The following TENM4 variants were observed in gnomAD, a reference collection of about 807,000 sequenced individuals.
TENM4 encodes teneurin-4.
A neutral mutation model predicts 243.3 loss-of-function variants in TENM4; 82 were observed. That is an observed-to-expected ratio of 0.34 (90% CI 0.28 to 0.40). TENM4 has a LOEUF of 0.40. Among genes scored for constraint, TENM4 ranks in the 10% least tolerant of loss-of-function variants. The pLI, the probability that TENM4 is intolerant of heterozygous loss-of-function variation, is 1.00. For synonymous variants in TENM4, 1,412 were observed against 1,456.3 expected, an observed-to-expected ratio of 0.97 and a Z score of 0.69; for missense variants, 3,138 against 3,673.3, an observed-to-expected ratio of 0.85 and a Z score of 3.77.
intron 20 of TENM4, 35 bp from the exon 21 acceptor site, chr11:78,732,612 A>G: frequency 6.5e-7 from 1 of 1,549,530 alleles, no homozygotes; most frequent in Non-Finnish European, 8.7e-7. Context: ...AGGGGCGGGG[A>G]GCAGGAAGAG....
chr11:79,160,202 A>T (rs541272263), intron 3 of TENM4, among the ~76,000 whole-genome samples: 52 of 152,200 alleles, frequency 3.4e-4, no homozygotes, highest in African/African-American at 1.2e-3. Context: ...ACTCTCTTCC[A>T]TTTTAACATC....
intron 1 of TENM4, among the ~76,000 whole-genome samples, chr11:79,355,481 C>T (rs1324861322): frequency 7.2e-5 from 11 of 152,092 alleles, no homozygotes; most frequent in African/African-American, 1.4e-4. Context: ...TGCAGTGAAC[C>T]GAGATCACGC....
intron 6 of TENM4, among the ~76,000 whole-genome samples, chr11:78,909,624 G>C (rs1344653611): frequency 6.6e-6 from 1 of 152,080 alleles, no homozygotes; most frequent in Non-Finnish European, 1.5e-5. Flanking sequence ...CACAGCCCCA[G>C]GGAGCACCAC....
intron 6 of TENM4, among the ~76,000 whole-genome samples, chr11:79,048,509 C>A (rs1442375171): frequency 6.6e-6 from 1 of 152,146 alleles, no homozygotes; most frequent in Non-Finnish European, 1.5e-5. Flanking sequence ...GCCAATCCTG[C>A]ACATCCTTTC....
chr11:79,182,423 C>T (rs1863301649), intron 3 of TENM4, among the ~76,000 whole-genome samples: 1 of 152,032 alleles, frequency 6.6e-6, no homozygotes, highest in Admixed American at 6.6e-5. Context: ...GACCTCATTC[C>T]CTTCACAAGA....
In TENM4 at chr11:79,064,772, T is replaced by C. The variant is rs1860196987; in HGVS notation, c.459A>G (p.Thr153=). ...TGTTTTCATGCTCGGTGTCGGTGAG[T>C]GTGAGATTGGAATTGGCCCGGCTGG... The part of the protein sequence containing the change: ...CLSSRANSNL[T]LTDTEHENTE... Residue 153 remains threonine, a synonymous_variant, in exon 6 of 34, where the codon ACA becomes ACG. Coordinates refer to ENST00000278550, the MANE Select transcript of TENM4 (RefSeq NM_001098816.3). The C allele has an allele frequency of 1.3e-6, 2 of 1,551,072 alleles. No individual in the cohort carries two copies. Among genetic ancestry groups the C allele is most frequent in the Middle Eastern group, 1.7e-4 (1 of 5,990 alleles).
In TENM4 at chr11:79,139,560, TAGAA is replaced by T. The variant is rs1862221754; in HGVS notation, c.-66+9146_-66+9149del. Among the ~76,000 whole-genome samples, 9 of 91,450 alleles carry T rather than the reference TAGAA, an allele frequency of 9.8e-5. 2 individuals carry two copies. Among genetic ancestry groups the T allele is most frequent in the South Asian group, 4.1e-4 (1 of 2,448 alleles). The allele number at this position is 91,450 out of a possible 152,430, so 60.0% of individuals were successfully genotyped here. ...ATATATAAAATATATATTATATTTA[TAGAA>T]ATATATAAAATATATATTATATTTC... On this transcript the variant is annotated intron_variant, in intron 4 of 33. Coordinates refer to ENST00000278550, the MANE Select transcript of TENM4 (RefSeq NM_001098816.3).
chr11:79,075,576 A>G lies in TENM4; in HGVS notation c.-65-5567T>C, dbSNP rs777282064. ...TGTAACTACTTTAAACCTAGACCAAATTAGGCAGGTGAGAATGTTTTGGGA... is the reference window on the plus strand; with the variant it reads ...TGTAACTACTTTAAACCTAGACCAAGTTAGGCAGGTGAGAATGTTTTGGGA... On this transcript the variant is annotated intron_variant, in intron 4 of 33. Transcript: ENST00000278550. 2.6e-5 allele frequency among the ~76,000 whole-genome samples: 4 copies of G among 152,218 alleles called. No individual in the cohort carries two copies. The South Asian group carries it at 6.2e-4, about 24-fold the overall frequency.
chr11:78,810,968 G>A (rs1857487110), intron 14 of TENM4, among the ~76,000 whole-genome samples: 1 of 152,184 alleles, frequency 6.6e-6, no homozygotes, highest in Admixed American at 6.5e-5. Context: ...AAAGACCTTG[G>A]ATGAAGTGAG....
chr11:79,411,930 C>T (rs1858709279), intron 1 of TENM4, among the ~76,000 whole-genome samples: 1 of 152,226 alleles, frequency 6.6e-6, no homozygotes, highest in African/African-American at 2.4e-5. Flanking sequence ...AACAAATGCT[C>T]ATCTTCAAGA....
intron 6 of TENM4, among the ~76,000 whole-genome samples, chr11:79,022,813 G>A (rs1431881532): frequency 1.3e-5 from 2 of 152,188 alleles, no homozygotes; most frequent in Admixed American, 6.5e-5. Flanking sequence ...TGATGAAGAT[G>A]AAGATGGTGA....
At chr11:78,719,759 G>A (rs1859603184) in intron 25 of TENM4, among the ~76,000 whole-genome samples, 1 of 152,196 alleles carries the variant, frequency 6.6e-6, no homozygotes, top group Non-Finnish European at 1.5e-5. Flanking sequence ...CTCTTGGTGT[G>A]CCTGACTAGA....
intron 2 of TENM4, among the ~76,000 whole-genome samples, chr11:79,257,104 C>G (rs1331214199): frequency 6.6e-6 from 1 of 152,016 alleles, no homozygotes; most frequent in Non-Finnish European, 1.5e-5. Context: ...GGCCTGAGCA[C>G]AGGATGCATG....
At chr11:78,771,351 C>T (rs531908701) in intron 17 of TENM4, among the ~76,000 whole-genome samples, 6 of 152,188 alleles carry the variant, frequency 3.9e-5, no homozygotes, top group Non-Finnish European at 8.8e-5. Context: ...GCCAGGGTCG[C>T]ACAGTCAGAA....
At chr11:79,096,118 C>A (rs1386177936) in intron 4 of TENM4, 1 of 152,242 alleles carries the variant, frequency 6.6e-6, no homozygotes, top group African/African-American at 2.4e-5. Flanking sequence ...TGACTTTCCA[C>A]AAGTAATGCA....
intron 2 of TENM4, among the ~76,000 whole-genome samples, chr11:79,228,965 A>T (rs886725537): frequency 2.0e-5 from 3 of 152,208 alleles, no homozygotes; most frequent in African/African-American, 4.8e-5. Context: ...GACACATTAC[A>T]TTTAGTCATC....
chr11:78,957,985 A>G (rs923200961), intron 6 of TENM4, among the ~76,000 whole-genome samples: 35 of 149,940 alleles, frequency 2.3e-4, no homozygotes, highest in African/African-American at 8.6e-4. Context: ...CAACAGAAGG[A>G]AAAAAAAATG....
chr11:78,833,440 A>T (rs554220991), intron 12 of TENM4, among the ~76,000 whole-genome samples: 2 of 152,302 alleles, frequency 1.3e-5, no homozygotes, highest in African/African-American at 4.8e-5. Flanking sequence ...GTTTCTATTA[A>T]TACCTCCACC....
chr11:78,787,179 T>C, intron 15 of TENM4, 96 bp from the exon 16 acceptor site: 2 of 1,361,110 alleles, frequency 1.5e-6, no homozygotes, highest in South Asian at 1.5e-5. Flanking sequence ...AAACAACAAG[T>C]ATTGAGCAAG....
Sources: allele counts gnomAD v4.1 joint callset (sites outside exome capture counted in the v4.1 genomes callset), GRCh38; gene constraint gnomAD v4.1.1; transcripts MANE v1.5; gene names NCBI Gene and HGNC (gene_info 2026-07-23, HGNC 2026-07-21).